The following TRPM3 variants were observed in gnomAD, a reference collection of about 807,000 sequenced individuals.
The protein encoded by TRPM3 is long transient receptor potential channel 3.
In TRPM3, 77 loss-of-function variants were observed where a neutral mutation model predicts 181.2. The ratio of observed to expected loss-of-function variants is 0.42; its 90% CI spans 0.35 to 0.51. TRPM3 has a LOEUF of 0.51. TRPM3 is among the 20% of genes least tolerant of loss of function. TRPM3 has a pLI of 0.01. For synonymous variants in TRPM3, 745 were observed against 796.4 expected (o/e 0.94, Z 1.09); for missense variants, 1,759 against 2,196.7 (o/e 0.80, Z 3.98).
At chr9:71,110,249 T>C (rs1488180167) in intron 1 of TRPM3, among the ~76,000 whole-genome samples, 1 of 152,156 alleles carries the variant, frequency 6.6e-6, no homozygotes, top group Non-Finnish European at 1.5e-5. Flanking sequence ...GATCATCTCA[T>C]AGTTGGCAAA....
intron 1 of TRPM3, among the ~76,000 whole-genome samples, chr9:71,191,143 G>A (rs532698264): frequency 1.3e-5 from 2 of 151,912 alleles, no homozygotes; most frequent in Admixed American, 6.6e-5. Context: ...TGAAAATAAT[G>A]TAGCCAGAAT....
At chr9:70,810,155 G>T (rs2091706397) in intron 6 of TRPM3, 2 of 512,008 alleles carry the variant, frequency 3.9e-6, no homozygotes, top group African/African-American at 4.0e-5. Context: ...CTGTCCTATG[G>T]GTACATGATC....
At chr9:70,778,856 T>G (rs1336555939) in intron 7 of TRPM3, among the ~76,000 whole-genome samples, 2 of 152,156 alleles carry the variant, frequency 1.3e-5, no homozygotes, top group Non-Finnish European at 2.9e-5. Context: ...CTGCACAGAA[T>G]GACAGGCCCT....
At chr9:71,006,870 CA>C (rs35386368) in intron 1 of TRPM3, among the ~76,000 whole-genome samples, 20 of 97,128 alleles carry the variant, frequency 2.1e-4, no homozygotes, top group Middle Eastern at 7.5e-3. Flanking sequence ...GACTCCGTCT[CA>C]AAAAAAAAAA....
chr9:71,123,767 G>A (rs889411631), upstream of TRPM3, among the ~76,000 whole-genome samples: 1 of 152,136 alleles, frequency 6.6e-6, no homozygotes, highest in African/African-American at 2.4e-5. Flanking sequence ...GCCTTTAGTG[G>A]GGAAGGCTCC....
At position 70,535,967 on chromosome 9, in the gene TRPM3, T is replaced by A. The variant is rs1313942315; in HGVS notation, c.5146A>T (p.Ser1716Cys). The change falls in exon 26 of 26, where the codon AGC (serine) becomes TGC (cysteine). Residue 1716 changes from serine to cysteine, a missense_variant. Physicochemically the swap from Ser to Cys is moderately radical, Grantham distance 112. Coordinates refer to ENST00000677713, the MANE Select transcript of TRPM3 (RefSeq NM_001366145.2). ...ATTAAGAAGGTTTAGTTGTGCTTGCTTTCAAAGCTTTGGAAAGCCGATGTT... is the reference window on the plus strand; with the variant it reads ...ATTAAGAAGGTTTAGTTGTGCTTGCATTCAAAGCTTTGGAAAGCCGATGTT... The part of the protein sequence containing the change: ...SRTSAFQSFE[S>C]KHN 1 of 1,599,188 alleles carries A rather than the reference T, an allele frequency of 6.3e-7. No homozygotes were observed. Among genetic ancestry groups the A allele is most frequent in the East Asian group, 2.2e-5 (1 of 44,754 alleles).
chr9:71,361,753 T>C (rs1220479443), intron 1 of TRPM3, among the ~76,000 whole-genome samples: 1 of 152,230 alleles, frequency 6.6e-6, no homozygotes, highest in African/African-American at 2.4e-5. Context: ...TGTATGAAAT[T>C]GCTCTAAACT....
At chr9:71,309,026 ATGCTGCTACATG>A (rs1406342806) in intron 1 of TRPM3, among the ~76,000 whole-genome samples, 1 of 152,178 alleles carries the variant, frequency 6.6e-6, no homozygotes, top group Non-Finnish European at 1.5e-5. Flanking sequence ...GCTGCTACAT[ATGCTGCTACATG>A]TTCTAAAGCA....
rs574966826 is a variant in TRPM3 at position 70,534,189 on chromosome 9, G to T, written c.*1764C>A. The T allele has an allele frequency of 6.6e-6, 1 of 152,100 alleles. No individual in the cohort carries two copies. Among genetic ancestry groups the T allele is most frequent in the Admixed American group, 6.5e-5 (1 of 15,270 alleles). The allele number at this position is 152,100 out of a possible 1,614,324, so 9.4% of individuals were successfully genotyped here. On this transcript the variant is annotated 3_prime_UTR_variant, in exon 26 of 26. Transcript: ENST00000677713. ...GTAACACTAGCTGGTTTAAAGTTGC[G>T]TGTCTATTCAGATTGTACGTGGTGT...
At chr9:70,761,248 G>A in intron 8 of TRPM3, 1 of 593,536 alleles carries the variant, frequency 1.7e-6, no homozygotes, top group South Asian at 2.1e-5. Flanking sequence ...AGTGGTTCAT[G>A]ACTTCCAAGC....
chr9:71,201,845 C>T (rs556523673), intron 1 of TRPM3, among the ~76,000 whole-genome samples: 75 of 152,254 alleles, frequency 4.9e-4, no homozygotes, highest in Admixed American at 2.2e-3. Context: ...AGTCATTCTC[C>T]GTCCAGCTTT....
Position 70,625,059 on chromosome 9 carries a change from C to G in TRPM3, c.1809+132G>C. On this transcript the variant is annotated intron_variant, in intron 14 of 25. Transcript: ENST00000677713. This position sits in a 1 kb window ranked among gnomAD's most constrained non-coding sequence, Gnocchi z 4.8. Reference sequence around the variant, plus strand: ...GATTAATTTGAATTTCATTACTTTTCTTTGATTGTTTAGGTTCACTCTCAG... The same window carrying G: ...GATTAATTTGAATTTCATTACTTTTGTTTGATTGTTTAGGTTCACTCTCAG... 2.0e-6 allele frequency: 2 copies of G among 992,346 alleles called. No individual in the cohort carries two copies. 61.5% of individuals were successfully genotyped at this position (992,346 alleles called of 1,614,324 possible). A position where few individuals can be genotyped will look rare whatever the true frequency, so the allele number is the denominator to read the frequency against.
intron 1 of TRPM3, among the ~76,000 whole-genome samples, chr9:70,892,854 A>G (rs759021561): frequency 2.4e-4 from 37 of 152,216 alleles, no homozygotes; most frequent in Non-Finnish European, 2.8e-4. Flanking sequence ...TTGAACAACA[A>G]AATAATATTA....
At chr9:70,818,357 T>C (rs1302555609) in intron 6 of TRPM3, among the ~76,000 whole-genome samples, 2 of 152,244 alleles carry the variant, frequency 1.3e-5, no homozygotes, top group Non-Finnish European at 2.9e-5. Context: ...TTCAATTTAG[T>C]AACTCTTTAT....
intron 1 of TRPM3, among the ~76,000 whole-genome samples, chr9:70,913,491 A>G (rs1433920762): frequency 6.6e-6 from 1 of 152,238 alleles, no homozygotes; most frequent in African/African-American, 2.4e-5. Flanking sequence ...TCAAGTTCAC[A>G]CACATTTGTT....
intron 1 of TRPM3, among the ~76,000 whole-genome samples, chr9:71,002,460 C>T (rs550095550): frequency 1.1e-4 from 17 of 152,188 alleles, no homozygotes; most frequent in Middle Eastern, 6.8e-3. Flanking sequence ...AATGAAAGAC[C>T]GAGTTTAATA....
intron 1 of TRPM3, among the ~76,000 whole-genome samples, chr9:70,943,717 G>A (rs556151683): frequency 1.3e-5 from 2 of 152,268 alleles, no homozygotes; most frequent in African/African-American, 2.4e-5. Flanking sequence ...CAAACTCTCT[G>A]ATGCTGAATA....
intron 1 of TRPM3, among the ~76,000 whole-genome samples, chr9:71,283,908 T>C (rs1392314786): frequency 6.6e-6 from 1 of 152,240 alleles, no homozygotes; most frequent in African/African-American, 2.4e-5. Context: ...ATTGTGTCTA[T>C]GTTCCTCCTT....
At chr9:71,006,187 T>A (rs557708880) in intron 1 of TRPM3, among the ~76,000 whole-genome samples, 3 of 152,192 alleles carry the variant, frequency 2.0e-5, no homozygotes, top group Non-Finnish European at 2.9e-5. Context: ...AATCTGCAAT[T>A]GATACACTAA....
Sources: gnomAD v4.1 joint callset for allele counts (sites outside exome capture counted in the v4.1 genomes callset) on GRCh38, gnomAD v4.1.1 for gene constraint, Gnocchi (gnomAD v3.1) non-coding constraint, MANE v1.5 for transcripts, NCBI Gene and HGNC (gene_info 2026-07-23, HGNC 2026-07-21) for gene names.